Variants in ZNF653 observed in about 807,000 individuals in gnomAD.
ZNF653 encodes 67 kDa zinc finger protein.
A neutral mutation model predicts 59.9 loss-of-function variants in ZNF653; 37 were observed. The ratio of observed to expected loss-of-function variants is 0.62; its 90% CI spans 0.48 to 0.81. The LOEUF (loss-of-function observed/expected upper bound fraction) is 0.81, where lower values mean the gene tolerates loss of function less well. ZNF653 is among the 40% of genes least tolerant of loss of function. The pLI is 0.00. For synonymous variants in ZNF653, 435 were observed against 371.8 expected (o/e 1.17, Z -1.96); for missense variants, 808 against 881.1 (o/e 0.92, Z 1.05).
chr19:11,488,992 T>C (rs112377742), intron 3 of ZNF653, among the ~76,000 whole-genome samples: 7,373 of 145,174 alleles, frequency 0.051, 289 homozygotes, highest in African/African-American at 0.12. Flanking sequence ...CTCTGCCTCC[T>C]GGGTTCAAGC....
intron 1 of ZNF653, among the ~76,000 whole-genome samples, chr19:11,500,400 T>C (rs116889989): frequency 0.01 from 1,544 of 152,278 alleles, 14 homozygotes; most frequent in Non-Finnish European, 0.017. Context: ...AGTAGCACTA[T>C]CTCAGTTCAC....
At chr19:11,502,831 C>T (rs1047975611) in intron 1 of ZNF653, among the ~76,000 whole-genome samples, 5 of 152,022 alleles carry the variant, frequency 3.3e-5, no homozygotes, top group African/African-American at 9.7e-5. Context: ...GTCAGGAGTT[C>T]GAGACCAGCC....
rs1287183793 is a variant in ZNF653, at chr19:11,487,674, G to A, written c.789C>T (p.Ser263=). The stretch of plus-strand genomic sequence containing the variant: ...CTTCAGGCCCATTGCCTGCTGGGTT[G>A]GAGCACAGCGGGGTACCCTGCTCGG... ...SLAEQGTPLC[S]NPAGNGPEAL... is the part of the protein sequence containing the mutation. The change falls in exon 4 of 9, where the codon TCC becomes TCT. Residue 263 remains serine (S), a synonymous_variant. Transcript: ENST00000293771. This position sits in a 1 kb window ranked among gnomAD's most constrained non-coding sequence, Gnocchi z 5.1. The A allele has an allele frequency of 1.9e-6, 3 of 1,613,754 alleles. No individual in the cohort carries two copies. In the African/African-American group the frequency reaches 4.0e-5, roughly 22 times the overall value.
Position 11,483,665 on chromosome 19 carries a change from G to C in ZNF653, c.*17C>G. 1 of 1,604,758 alleles carries C rather than the reference G, an allele frequency of 6.2e-7. No individual in the cohort carries two copies. Among genetic ancestry groups the C allele is most frequent in the East Asian group, 2.2e-5 (1 of 44,536 alleles). ...CCGAGCGGACGAATAAATAGGGGCG[G>C]TCAGTGGTCAGGTGGGTCAGGTGGG... On this transcript the variant is annotated 3_prime_UTR_variant, in exon 9 of 9. Coordinates refer to ENST00000293771, the MANE Select transcript of ZNF653 (RefSeq NM_138783.4).
rs1328503674 is a variant in ZNF653 at position 11,487,099 on chromosome 19, G to C, written c.1231C>G (p.Leu411Val). The C allele has an allele frequency of 1.2e-6, 2 of 1,613,628 alleles. No individual in the cohort carries two copies. The highest frequency in any genetic ancestry group is 1.7e-6 in the Non-Finnish European group (2 of 1,180,024). The change falls in exon 5 of 9, where the codon CTG (leucine) becomes GTG (valine). Residue 411 changes from leucine to valine, a missense_variant. Coordinates refer to ENST00000293771, the MANE Select transcript of ZNF653 (RefSeq NM_138783.4). This position sits in a 1 kb window ranked among gnomAD's most constrained non-coding sequence, Gnocchi z 5.1. Reference sequence around the variant, plus strand: ...GCGCTCTCAGGCACCGTTGTTGCCAGCTCCGGGGCTACTGGCTCCTCCTTC... The same window carrying C: ...GCGCTCTCAGGCACCGTTGTTGCCACCTCCGGGGCTACTGGCTCCTCCTTC... ...EEKEEPVAPELATTVPESAEP... is the reference protein window; with the variant it reads ...EEKEEPVAPEVATTVPESAEP...
At chr19:11,491,815 G>A (rs1430883955) in intron 3 of ZNF653, among the ~76,000 whole-genome samples, 1 of 152,110 alleles carries the variant, frequency 6.6e-6, no homozygotes, top group East Asian at 1.9e-4. Flanking sequence ...CTGACCTCAT[G>A]ATCCGCCCAC....
intron 1 of ZNF653, chr19:11,504,738 A>T (rs927040134): frequency 5.4e-6 from 1 of 186,816 alleles, no homozygotes; most frequent in African/African-American, 2.4e-5. Flanking sequence ...ATACTTAGGG[A>T]ACCCACTACC....
At position 11,483,591 on chromosome 19, in the gene ZNF653, C is replaced by G. The variant is rs1290444751; in HGVS notation, c.*91G>C. The G allele has an allele frequency of 2.7e-6, 4 of 1,475,698 alleles. No individual in the cohort carries two copies. The highest frequency in any genetic ancestry group is 3.6e-6 in the Non-Finnish European group (4 of 1,107,592). The allele number at this position is 1,475,698 out of a possible 1,614,324, so 91.4% of individuals were successfully genotyped here. On this transcript the variant is annotated 3_prime_UTR_variant, in exon 9 of 9. Coordinates refer to ENST00000293771, the MANE Select transcript of ZNF653 (RefSeq NM_138783.4). ...GGGCGCCTCCTTCCGGCCCGCGGTC[C>G]GGGCGGCCCTCGCAGCTGTCCAGGC...
rs765970824 is a variant in ZNF653, at chr19:11,486,856, C to T, written c.1368G>A (p.Arg456=). ...CGAGCAGGCCGTCAGCATCCATCACCCGCGACCGCTTGCTCCGCCGCCTCC... is the reference window on the plus strand; with the variant it reads ...CGAGCAGGCCGTCAGCATCCATCACTCGCGACCGCTTGCTCCGCCGCCTCC... ...PEKRRRSKRS[R]VMDADGLLEM... The change falls in exon 6 of 9, where the codon CGG becomes CGA. Residue 456 remains arginine, a synonymous_variant. Coordinates refer to ENST00000293771, the MANE Select transcript of ZNF653 (RefSeq NM_138783.4). 24 of 1,611,324 alleles carry T rather than the reference C, an allele frequency of 1.5e-5. No individual in the cohort carries two copies. In the South Asian group the frequency reaches 1.9e-4, roughly 13 times the overall value.
rs1971473916 is a variant in ZNF653, at chr19:11,487,011, T to C, written c.1319A>G (p.Tyr440Cys). 2.5e-6 allele frequency: 4 copies of C among 1,614,084 alleles called. No individual in the cohort carries two copies. The highest frequency in any genetic ancestry group is 1.1e-5 in the South Asian group (1 of 91,080). ...LDGSDMSAII[Y>C]EIPKEPEKRR... ...CTTCTCAGGCTCCTTGGGGATTTCA[T>C]AGATGATGGCTGACATGTCGCTGCC... Residue 440 changes from tyrosine (Y) to cysteine (C), a missense_variant, in exon 5 of 9, where the codon TAT becomes TGT. Transcript: ENST00000293771. This position sits in a 1 kb window ranked among gnomAD's most constrained non-coding sequence, Gnocchi z 5.1.
intron 3 of ZNF653, among the ~76,000 whole-genome samples, chr19:11,488,311 G>A (rs1004929091): frequency 9.9e-5 from 15 of 151,242 alleles, no homozygotes; most frequent in African/African-American, 2.7e-4. Flanking sequence ...CGCCATGCCC[G>A]GCTAATGTTT....
rs754671546 is a variant in ZNF653 at position 11,487,319 on chromosome 19, C to A, written c.1144G>T (p.Ala382Ser). ...TTCTTGGTCTCGATGCCTGCTACTGCGGTGGCGTCCATGGTGCTAGGCTGG... is the reference window on the plus strand; with the variant it reads ...TTCTTGGTCTCGATGCCTGCTACTGAGGTGGCGTCCATGGTGCTAGGCTGG... ...GSQPSTMDAT[A>S]VAGIETKKEK... The change falls in exon 4 of 9, where the codon GCA (alanine) becomes TCA (serine). Residue 382 changes from alanine to serine, a missense_variant. Ala to Ser is a moderately conservative substitution (Grantham distance 99). Transcript: ENST00000293771. This position sits in a 1 kb window ranked among gnomAD's most constrained non-coding sequence, Gnocchi z 5.1. 1 of 1,613,378 alleles carries A rather than the reference C, an allele frequency of 6.2e-7. No individual in the cohort carries two copies. Among genetic ancestry groups the A allele is most frequent in the African/African-American group, 1.3e-5 (1 of 75,056 alleles).
rs1384697630 is a variant in ZNF653 at position 11,494,831 on chromosome 19, C to T, written c.559+1119G>A. Among the ~76,000 whole-genome samples the T allele has an allele frequency of 2.6e-5, 4 of 152,360 alleles. No individual in the cohort carries two copies. The East Asian group carries it at 7.7e-4, about 29-fold the overall frequency. ...ACTCCTGGGGCTTGGGATTCCTTGA[C>T]TGCCAAGTGGGGCTGATGACAAGGC... On this transcript the variant is annotated intron_variant, in intron 3 of 8. Transcript: ENST00000293771.
At position 11,486,776 on chromosome 19, in the gene ZNF653, C is replaced by T; in HGVS notation, c.1448G>A (p.Ser483Asn). The part of the protein sequence containing the change: ...GCSQVYVALS[S>N]FQNHVNLVHR... ...TCCGGGTGGCGGCCTCACCTGGAAG[C>T]TGCTGAGGGCCACGTAGACTTGGCT... is the stretch of plus-strand genomic sequence containing the variant. The change falls in exon 6 of 9, where the codon AGC becomes AAC. Residue 483 changes from serine (S) to asparagine (N), a missense_variant. By Grantham distance (46) the Ser-to-Asn change is conservative. Transcript: ENST00000293771. The T allele has an allele frequency of 6.2e-7, 1 of 1,604,972 alleles. No homozygotes were observed. Among genetic ancestry groups the T allele is most frequent in the Non-Finnish European group, 8.5e-7 (1 of 1,176,066 alleles).
chr19:11,490,426 G>A (rs537636794), intron 3 of ZNF653, among the ~76,000 whole-genome samples: 1 of 152,234 alleles, frequency 6.6e-6, no homozygotes, highest in African/African-American at 2.4e-5. Flanking sequence ...TTGCTCTGTT[G>A]TGTAAGCTGT....
chr19:11,484,173 G>A lies in ZNF653; in HGVS notation c.1571-32C>T, dbSNP rs1207848393. On this transcript the variant is annotated intron_variant, in intron 7 of 8. Transcript: ENST00000293771. ...GCGGTGGGGACCGAGGCTGAGGACG[G>A]TGGGCTATGGGGTGTCTCTGATGTG... is the stretch of plus-strand genomic sequence containing the variant. The A allele has an allele frequency of 2.7e-6, 4 of 1,503,184 alleles. No individual in the cohort carries two copies. In the East Asian group the frequency reaches 9.8e-5, roughly 37 times the overall value. The allele number at this position is 1,503,184 out of a possible 1,614,324, so 93.1% of individuals were successfully genotyped here. A position where few individuals can be genotyped will look rare whatever the true frequency, so the allele number is the denominator to read the frequency against.
intron 1 of ZNF653, among the ~76,000 whole-genome samples, chr19:11,503,971 G>A (rs1450810540): frequency 6.6e-6 from 1 of 152,180 alleles, no homozygotes; most frequent in Non-Finnish European, 1.5e-5. Context: ...CAGGTGGAGT[G>A]ACGTGCACCT....
chr19:11,505,603 G>C lies in ZNF653; in HGVS notation c.184C>G (p.Leu62Val). 6.6e-7 allele frequency: 1 copy of C among 1,506,738 alleles called. No individual in the cohort carries two copies. The highest frequency in any genetic ancestry group is 8.8e-7 in the Non-Finnish European group (1 of 1,135,078). The allele number at this position is 1,506,738 out of a possible 1,614,324, so 93.3% of individuals were successfully genotyped here. A position where few individuals can be genotyped will look rare whatever the true frequency, so the allele number is the denominator to read the frequency against. ...RKKYDVRRVYLGEAHGPWVDL... is the reference protein window; with the variant it reads ...RKKYDVRRVYVGEAHGPWVDL... Reference sequence around the variant, plus strand: ...ACCCAGGGCCCGTGCGCCTCGCCCAGGTACACGCGCCGCACGTCGTACTTC... The same window carrying C: ...ACCCAGGGCCCGTGCGCCTCGCCCACGTACACGCGCCGCACGTCGTACTTC... Residue 62 changes from leucine to valine, a missense_variant, in exon 1 of 9, where the codon CTG becomes GTG. Physicochemically the swap from Leu to Val is conservative, Grantham distance 32. Transcript: ENST00000293771.
rs887957704 is a variant in ZNF653, at chr19:11,495,204, C to T, written c.559+746G>A. On this transcript the variant is annotated intron_variant, in intron 3 of 8. Transcript: ENST00000293771. This position sits in a 1 kb window ranked among gnomAD's most constrained non-coding sequence, Gnocchi z 4.9. ...GCCATTGCCGAACCCCTGAGGCTGC[C>T]GGCAGCCCCCTCACCACTCACCGGG... Among the ~76,000 whole-genome samples the T allele has an allele frequency of 3.3e-5, 5 of 152,248 alleles. No homozygotes were observed. The highest frequency in any genetic ancestry group is 4.1e-4 in the South Asian group (2 of 4,820).
Sources: gnomAD v4.1 joint callset for allele counts (sites outside exome capture counted in the v4.1 genomes callset) on GRCh38, gnomAD v4.1.1 for gene constraint, Gnocchi (gnomAD v3.1) non-coding constraint, MANE v1.5 for transcripts, NCBI Gene and HGNC (gene_info 2026-07-23, HGNC 2026-07-21) for gene names.